Variants in NUDT19 observed in about 807,000 individuals in gnomAD.
NUDT19 encodes acyl-coenzyme A diphosphatase NUDT19.
A neutral mutation model predicts 22.2 loss-of-function variants in NUDT19; 31 were observed. The ratio of observed to expected loss-of-function variants is 1.40; its 90% CI spans 1.05 to 1.89. The LOEUF is 1.89. Among genes scored for constraint, NUDT19 ranks in the 40% most tolerant of loss-of-function variants. NUDT19 has a pLI of 0.00. For synonymous variants in NUDT19, 325 were observed against 230.8 expected, an observed-to-expected ratio of 1.41 and a Z score of -3.70; for missense variants, 752 against 514.2, an observed-to-expected ratio of 1.46 and a Z score of -4.47.
intron 1 of NUDT19, 127 bp downstream of exon 1, chr19:32,692,801 C>G (rs1195682132): frequency 1.6e-6 from 1 of 635,704 alleles, no homozygotes; most frequent in Non-Finnish European, 2.5e-6. Flanking sequence ...GCAAGGAACG[C>G]TTAGACGGGC....
At chr19:32,703,219 T>C (rs1968353319) in intron 1 of NUDT19, among the ~76,000 whole-genome samples, 1 of 152,158 alleles carries the variant, frequency 6.6e-6, no homozygotes, top group Non-Finnish European at 1.5e-5. Context: ...CAGGCTGCTG[T>C]CGAACTCCCA....
intron 2 of NUDT19, among the ~76,000 whole-genome samples, chr19:32,710,395 G>A (rs1284420792): frequency 2.5e-5 from 3 of 118,366 alleles, no homozygotes; most frequent in Non-Finnish European, 5.1e-5. Flanking sequence ...AAAGTAAAAT[G>A]TTAACTCTAT....
Position 32,692,164 on chromosome 19 carries a change from T to G in NUDT19, c.204T>G (p.Asp68Glu), listed in dbSNP as rs1968192090. The change falls in exon 1 of 3, where the codon GAT becomes GAG. Residue 68 changes from aspartate (D) to glutamate (E), a missense_variant. By Grantham distance (45) the Asp-to-Glu change is conservative. Transcript: ENST00000397061. The part of the protein sequence containing the change: ...GAHVFSGGVL[D>E]AADRSADWLG... ...ACGTCTTCTCCGGCGGAGTGCTGGA[T>G]GCGGCCGACCGCTCGGCGGACTGGC... The G allele has an allele frequency of 1.3e-6, 2 of 1,527,984 alleles. No homozygotes were observed. The highest frequency in any genetic ancestry group is 8.7e-7 in the Non-Finnish European group (1 of 1,147,286). The allele number at this position is 1,527,984 out of a possible 1,614,324, so 94.7% of individuals were successfully genotyped here. A position where few individuals can be genotyped will look rare whatever the true frequency, so the allele number is the denominator to read the frequency against.
chr19:32,703,800 T>G (rs1968360034), intron 1 of NUDT19, among the ~76,000 whole-genome samples: 3 of 151,560 alleles, frequency 2.0e-5, no homozygotes. Flanking sequence ...GTAGCTGAGA[T>G]TACAGGCACC....
At chr19:32,692,701 G>C (rs781295019) in intron 1 of NUDT19, 27 bp downstream of exon 1, 4 of 1,423,842 alleles carry the variant, frequency 2.8e-6, no homozygotes, top group Non-Finnish European at 3.7e-6. Flanking sequence ...GCCTTGCTGC[G>C]GACCGCCAGG....
intron 1 of NUDT19, among the ~76,000 whole-genome samples, chr19:32,704,371 C>T (rs996364658): frequency 3.9e-5 from 6 of 152,016 alleles, no homozygotes; most frequent in African/African-American, 1.4e-4. Context: ...AAGCAATTCT[C>T]CTGCCTCAGC....
chr19:32,711,930 C>T lies in NUDT19; in HGVS notation c.1101C>T (p.Asn367=), dbSNP rs1394156550. 1 of 1,613,764 alleles carries T rather than the reference C, an allele frequency of 6.2e-7. No homozygotes were observed. The highest frequency in any genetic ancestry group is 8.5e-7 in the Non-Finnish European group (1 of 1,179,780). ...AGTATAAACACGTTTATCCTAAGAA[C>T]TCTGTAGTAAGAAAAAGCCATTTGT... ...QPKYKHVYPK[N]SVVRKSHL The change falls in exon 3 of 3, where the codon AAC becomes AAT. Residue 367 remains asparagine (N), a synonymous_variant. Coordinates refer to ENST00000397061, the MANE Select transcript of NUDT19 (RefSeq NM_001105570.2).
At position 32,691,850 on chromosome 19, in the gene NUDT19, C is replaced by T; in HGVS notation, c.-111C>T. 1 of 545,674 alleles carries T rather than the reference C, an allele frequency of 1.8e-6. No homozygotes were observed. The highest frequency in any genetic ancestry group is 4.2e-5 in the East Asian group (1 of 23,784). The allele number at this position is 545,674 out of a possible 1,614,324, so 33.8% of individuals were successfully genotyped here. A position where few individuals can be genotyped will look rare whatever the true frequency, so the allele number is the denominator to read the frequency against. ...GCCCAGGTTCACCCAACGCCAGAGG[C>T]TCGTCCTCAATTCCCGCGAGGCCCC... On this transcript the variant is annotated 5_prime_UTR_variant, in exon 1 of 3. Coordinates refer to ENST00000397061, the MANE Select transcript of NUDT19 (RefSeq NM_001105570.2).
intron 1 of NUDT19, among the ~76,000 whole-genome samples, chr19:32,694,199 C>T (rs1568431545): frequency 6.6e-6 from 1 of 152,192 alleles, no homozygotes; most frequent in Non-Finnish European, 1.5e-5. Flanking sequence ...GCCATGTTGC[C>T]CAACTCCAGA....
In NUDT19 at chr19:32,709,236, T is replaced by TATCAAAAC; in HGVS notation, c.766_767insATCAAAAC (p.Leu256TyrfsTer12). ...AAGTTTCTTATCAAAAGAAATTTGG[T>TATCAAAAC]TGCCACCCCCACAGTTCTACGAAGT... On this transcript the variant is annotated frameshift_variant, in exon 2 of 3. Coordinates refer to ENST00000397061, the MANE Select transcript of NUDT19 (RefSeq NM_001105570.2). LOFTEE classifies it high-confidence loss of function. 2 of 1,614,156 alleles carry TATCAAAAC rather than the reference T, an allele frequency of 1.2e-6. No individual in the cohort carries two copies. The highest frequency in any genetic ancestry group is 2.7e-5 in the African/African-American group (2 of 75,070).
intron 1 of NUDT19, among the ~76,000 whole-genome samples, chr19:32,698,365 A>G (rs373578634): frequency 6.6e-6 from 1 of 152,172 alleles, no homozygotes; most frequent in African/African-American, 2.4e-5. Context: ...ATGCATTTCA[A>G]GGGTGAGCCT....
rs1968197617 is a variant in NUDT19, at chr19:32,692,315, C to A, written c.355C>A (p.Pro119Thr). ...DHKTDNTGTL[P>T]EDVAFRICAV... ...CAAGACCGACAACACTGGGACGCTG[C>A]CTGAGGACGTAGCCTTCCGCATCTG... is the stretch of plus-strand genomic sequence containing the variant. Residue 119 changes from proline (P) to threonine (T), a missense_variant, in exon 1 of 3, where the codon CCT becomes ACT. Coordinates refer to ENST00000397061, the MANE Select transcript of NUDT19 (RefSeq NM_001105570.2). 2.5e-6 allele frequency: 4 copies of A among 1,592,970 alleles called. No homozygotes were observed. In the East Asian group the frequency reaches 9.0e-5, roughly 36 times the overall value.
At chr19:32,705,437 A>G (rs564480459) in intron 1 of NUDT19, among the ~76,000 whole-genome samples, 1 of 152,090 alleles carries the variant, frequency 6.6e-6, no homozygotes, top group African/African-American at 2.4e-5. Flanking sequence ...AAAAAAAAAG[A>G]AAAACAAAAA....
chr19:32,702,003 T>C (rs1968340611), intron 1 of NUDT19, among the ~76,000 whole-genome samples: 1 of 152,128 alleles, frequency 6.6e-6, no homozygotes, highest in Admixed American at 6.6e-5. Flanking sequence ...ATACAAAAAT[T>C]ATCCAGGTGT....
At position 32,709,390 on chromosome 19, in the gene NUDT19, C is replaced by T. The variant is rs1568435265; in HGVS notation, c.920C>T (p.Pro307Leu). ...LTADGMVHLL[P>L]GDELYLEDSD... ...GCTGATGGGATGGTCCATCTTTTAC[C>T]AGGTAAACCAGTGAAGCATCGGTGC... Residue 307 changes from proline (P) to leucine (L), a missense_variant and splice_region_variant, in exon 2 of 3, where the codon CCA becomes CTA. By Grantham distance (98) the Pro-to-Leu change is moderately conservative. Transcript: ENST00000397061. The T allele has an allele frequency of 6.2e-7, 1 of 1,613,308 alleles. No individual in the cohort carries two copies.
At position 32,692,639 on chromosome 19, in the gene NUDT19, G is replaced by T. The variant is rs1379953694; in HGVS notation, c.679G>T (p.Val227Phe). 7.2e-6 allele frequency: 11 copies of T among 1,527,700 alleles called. No homozygotes were observed. Among genetic ancestry groups the T allele is most frequent in the East Asian group, 2.4e-5 (1 of 42,054 alleles). 94.6% of individuals were successfully genotyped at this position (1,527,700 alleles called of 1,614,324 possible). The change falls in exon 1 of 3, where the codon GTC (valine) becomes TTC (phenylalanine). Residue 227 changes from valine (V) to phenylalanine (F), a missense_variant. By Grantham distance (50) the Val-to-Phe change is conservative. Coordinates refer to ENST00000397061, the MANE Select transcript of NUDT19 (RefSeq NM_001105570.2). ...FLCCLREPPPVYPDLAEVVGY... is the reference protein window; with the variant it reads ...FLCCLREPPPFYPDLAEVVGY... ...GTGCTGCCTGCGCGAGCCGCCGCCC[G>T]TCTACCCCGACTTGGCGGAGGTGGT... is the stretch of plus-strand genomic sequence containing the variant.
At chr19:32,696,571 G>A (rs1274116045) in intron 1 of NUDT19, among the ~76,000 whole-genome samples, 2 of 152,102 alleles carry the variant, frequency 1.3e-5, no homozygotes, top group African/African-American at 2.4e-5. Flanking sequence ...CCAAGCAGGG[G>A]ACAACAAATG....
chr19:32,694,906 C>T lies in NUDT19; in HGVS notation c.714+2232C>T, dbSNP rs193299538. Among the ~76,000 whole-genome samples, 127 of 152,320 alleles carry T rather than the reference C, an allele frequency of 8.3e-4. 1 individual carries two copies. The highest frequency in any genetic ancestry group is 3.0e-3 in the African/African-American group (124 of 41,574). ...TCTGTAAGAGTTTCCTTATCACGTA[C>T]TGAGTACCCATTGTGTCTTTTTCCT... On this transcript the variant is annotated intron_variant, in intron 1 of 2. Coordinates refer to ENST00000397061, the MANE Select transcript of NUDT19 (RefSeq NM_001105570.2).
Position 32,709,375 on chromosome 19 carries a change from T to C in NUDT19, c.905T>C (p.Met302Thr). Residue 302 changes from methionine (M) to threonine (T), a missense_variant, in exon 2 of 3, where the codon ATG becomes ACG. By Grantham distance (81) the Met-to-Thr change is moderately conservative. Coordinates refer to ENST00000397061, the MANE Select transcript of NUDT19 (RefSeq NM_001105570.2). The part of the protein sequence containing the change: ...LPIILLTADG[M>T]VHLLPGDELY... ...ATCATCTTGTTAACTGCTGATGGGA[T>C]GGTCCATCTTTTACCAGGTAAACCA... 6.2e-7 allele frequency: 1 copy of C among 1,613,964 alleles called. No homozygotes were observed. The highest frequency in any genetic ancestry group is 8.5e-7 in the Non-Finnish European group (1 of 1,179,808).
Sources: allele counts gnomAD v4.1 joint callset (sites outside exome capture counted in the v4.1 genomes callset), GRCh38; gene constraint gnomAD v4.1.1; transcripts MANE v1.5; gene names NCBI Gene and HGNC (gene_info 2026-07-23, HGNC 2026-07-21).